PIGU: variants seen among roughly 807,000 people sequenced by gnomAD.
PIGU encodes the protein GPI-anchor transamidase component PIGU.
In PIGU, 24 loss-of-function variants were observed where a neutral mutation model predicts 49.9. That is an observed-to-expected ratio of 0.48 (90% CI 0.35 to 0.68). PIGU has a LOEUF of 0.68. PIGU is among the 30% of genes least tolerant of loss of function. The probability of loss-of-function intolerance (pLI) is 0.01; values close to 1 mark genes in which losing one functional copy is unlikely to be tolerated. For missense variants in PIGU, 490 were observed against 532.6 expected (o/e 0.92, Z 0.79); for synonymous variants, 220 against 205.7 (o/e 1.07, Z -0.59).
At chr20:34,661,569 A>C (rs943577758) in intron 1 of PIGU, among the ~76,000 whole-genome samples, 5 of 150,020 alleles carry the variant, frequency 3.3e-5, no homozygotes, top group Middle Eastern at 3.4e-3. Context: ...TTAATGCTGC[A>C]TAGTGTTCCA....
At chr20:34,567,105 AGTCAGCCCACGCTGGGGGGAATGCAT>A (rs1210047515) in intron 11 of PIGU, among the ~76,000 whole-genome samples, 6 of 152,330 alleles carry the variant, frequency 3.9e-5, no homozygotes, top group Non-Finnish European at 4.4e-5. Flanking sequence ...GACATTTGAC[AGTCAGCCCACGCTGGGGGGAATGCAT>A]GTGGCCGTCA....
At position 34,581,676 on chromosome 20, in the gene PIGU, G is replaced by A. The variant is rs1483903932; in HGVS notation, c.927-4C>T. The A allele has an allele frequency of 1.4e-5, 22 of 1,597,280 alleles. No homozygotes were observed. Among genetic ancestry groups the A allele is most frequent in the Non-Finnish European group, 1.8e-5 (21 of 1,174,842 alleles). ...CATGAAGAAGATGGGGTGCTCCCTG[G>A]GGCAGGGCAGGGGAAAGAGAGAGAG... On this transcript the variant is annotated splice_region_variant and splice_polypyrimidine_tract_variant and intron_variant, in intron 9 of 11. Coordinates refer to ENST00000217446, the MANE Select transcript of PIGU (RefSeq NM_080476.5).
chr20:34,664,293 G>A (rs1043124425), intron 1 of PIGU, among the ~76,000 whole-genome samples: 5 of 152,136 alleles, frequency 3.3e-5, no homozygotes, highest in Non-Finnish European at 4.4e-5. Context: ...TGGGACTATA[G>A]GTGCATGCCA....
At chr20:34,610,624 T>C (rs974665179) in intron 7 of PIGU, among the ~76,000 whole-genome samples, 9 of 152,206 alleles carry the variant, frequency 5.9e-5, no homozygotes, top group African/African-American at 1.9e-4. Context: ...AAAATGGTCA[T>C]ACTGCCCAAA....
intron 1 of PIGU, among the ~76,000 whole-genome samples, chr20:34,676,601 A>G (rs988388032): frequency 6.6e-6 from 1 of 151,946 alleles, no homozygotes; most frequent in Non-Finnish European, 1.5e-5. Flanking sequence ...CCCAAATCCC[A>G]AACTCCTCTG....
At chr20:34,666,958 A>T (rs998191948) in intron 1 of PIGU, among the ~76,000 whole-genome samples, 1 of 151,976 alleles carries the variant, frequency 6.6e-6, no homozygotes, top group African/African-American at 2.4e-5. Flanking sequence ...TCGGCCTCCC[A>T]AAGTGCTGGG....
chr20:34,574,195 C>T (rs1983128510), intron 11 of PIGU, among the ~76,000 whole-genome samples: 1 of 152,216 alleles, frequency 6.6e-6, no homozygotes, highest in South Asian at 2.1e-4. Context: ...GAGGGAACTT[C>T]CAAGAAGCGT....
At chr20:34,596,595 G>A (rs1984209397) in intron 7 of PIGU, among the ~76,000 whole-genome samples, 1 of 151,960 alleles carries the variant, frequency 6.6e-6, no homozygotes, top group African/African-American at 2.4e-5. Flanking sequence ...TAAAAATGGA[G>A]ATAAAACCAT....
chr20:34,561,014 G>T, intron 11 of PIGU, 35 bp from the exon 12 acceptor site: 2 of 1,462,404 alleles, frequency 1.4e-6, no homozygotes, highest in Non-Finnish European at 1.9e-6. Flanking sequence ...GCGCTGCTGG[G>T]TACCTCCCCC....
chr20:34,631,374 A>G (rs1413711649), intron 6 of PIGU, among the ~76,000 whole-genome samples: 1 of 151,998 alleles, frequency 6.6e-6, no homozygotes, highest in Non-Finnish European at 1.5e-5. Flanking sequence ...GGACAGAGAA[A>G]ACAGAGGTAG....
At chr20:34,618,832 A>G (rs1381000352) in intron 6 of PIGU, among the ~76,000 whole-genome samples, 1 of 152,170 alleles carries the variant, frequency 6.6e-6, no homozygotes, top group African/African-American at 2.4e-5. Context: ...GTGTTTCATA[A>G]AAGGAGGAAC....
chr20:34,676,806 CT>C, intron 1 of PIGU, 149 bp downstream of exon 1: 1 of 1,149,146 alleles, frequency 8.7e-7, no homozygotes, highest in Non-Finnish European at 1.2e-6. Context: ...CAGCCCCGCC[CT>C]CAGGCCCCGC....
chr20:34,610,057 A>G (rs1194294536), intron 7 of PIGU, among the ~76,000 whole-genome samples: 3 of 152,164 alleles, frequency 2.0e-5, no homozygotes, highest in African/African-American at 7.2e-5. Context: ...CTGTGAGTCA[A>G]TTAAACCTCT....
At chr20:34,642,030 A>C (rs1223213132) in intron 4 of PIGU, among the ~76,000 whole-genome samples, 1 of 152,190 alleles carries the variant, frequency 6.6e-6, no homozygotes, top group Non-Finnish European at 1.5e-5. Flanking sequence ...TCCCTCTTTA[A>C]ATCATGCAAA....
At chr20:34,561,498 A>G (rs950918215) in intron 11 of PIGU, among the ~76,000 whole-genome samples, 5 of 151,652 alleles carry the variant, frequency 3.3e-5, no homozygotes, top group African/African-American at 1.2e-4. Flanking sequence ...CACAGTCACT[A>G]CTCTGGACAG....
chr20:34,578,536 G>A (rs1414755577), intron 10 of PIGU, among the ~76,000 whole-genome samples: 1 of 152,202 alleles, frequency 6.6e-6, no homozygotes, highest in African/African-American at 2.4e-5. Context: ...TCCAGCCAGG[G>A]ACACAGATTT....
At chr20:34,669,527 T>C (rs1426020228) in intron 1 of PIGU, among the ~76,000 whole-genome samples, 1 of 151,398 alleles carries the variant, frequency 6.6e-6, no homozygotes, top group Admixed American at 6.6e-5. Context: ...ATTAGCTGGG[T>C]GTGGTGGCAC....
At chr20:34,675,770 T>A (rs912047345) in intron 1 of PIGU, among the ~76,000 whole-genome samples, 1 of 152,100 alleles carries the variant, frequency 6.6e-6, no homozygotes, top group Non-Finnish European at 1.5e-5. Context: ...TCCCAGCACT[T>A]TGGGAGGCCA....
At position 34,584,504 on chromosome 20, in the gene PIGU, CTTT is replaced by C. The variant is rs5841174; in HGVS notation, c.926+930_926+932del. ...CACACTCCCCTCCACAACTCCTGTT[CTTT>C]TTTTTTTTTTTTTTTTTTTTTGAGA... On this transcript the variant is annotated intron_variant, in intron 9 of 11. Transcript: ENST00000217446. Among the ~76,000 whole-genome samples the C allele has an allele frequency of 3.4e-3, 229 of 66,404 alleles. 1 individual carries two copies. Among genetic ancestry groups the C allele is most frequent in the African/African-American group, 0.013 (217 of 17,144 alleles). The allele number at this position is 66,404 out of a possible 152,430, so 43.6% of individuals were successfully genotyped here. A position where few individuals can be genotyped will look rare whatever the true frequency, so the allele number is the denominator to read the frequency against.
Sources: gnomAD v4.1 joint callset for allele counts (sites outside exome capture counted in the v4.1 genomes callset) on GRCh38, gnomAD v4.1.1 for gene constraint, MANE v1.5 for transcripts, NCBI Gene and HGNC (gene_info 2026-07-23, HGNC 2026-07-21) for gene names.